Variants in FIG4 observed in about 807,000 individuals in gnomAD.
The protein encoded by FIG4 is polyphosphoinositide phosphatase.
A neutral mutation model predicts 118.6 loss-of-function variants in FIG4; 112 were observed. The observed-to-expected ratio is 0.94, with a 90% CI of 0.81 to 1.11. FIG4 has a LOEUF of 1.11. Ranked by LOEUF, FIG4 falls within the 50% of genes least tolerant of loss-of-function variation. The pLI, the probability that FIG4 is intolerant of heterozygous loss-of-function variation, is 0.00. For synonymous variants in FIG4, 369 were observed against 381.2 expected (o/e 0.97, Z 0.37); for missense variants, 969 against 1,111.7 (o/e 0.87, Z 1.83).
intron 22 of FIG4, among the ~76,000 whole-genome samples, chr6:109,804,195 AT>A (rs1173706226): frequency 1.3e-5 from 2 of 152,298 alleles, no homozygotes; most frequent in East Asian, 3.9e-4. Flanking sequence ...GGTATTACTC[AT>A]TGGTTTTCCT....
chr6:109,817,021 C>T (rs895299891), intron 22 of FIG4, among the ~76,000 whole-genome samples: 7 of 152,166 alleles, frequency 4.6e-5, no homozygotes, highest in African/African-American at 1.4e-4. Context: ...AAAAGGTCGC[C>T]GTATAAATGT....
chr6:109,700,496 G>A (rs993300170), intron 1 of FIG4, among the ~76,000 whole-genome samples: 5 of 152,148 alleles, frequency 3.3e-5, no homozygotes, highest in Non-Finnish European at 7.4e-5. Context: ...TTTTCCCCCT[G>A]TTAGAATGGC....
intron 15 of FIG4, among the ~76,000 whole-genome samples, chr6:109,770,412 A>C (rs1388510339): frequency 5.3e-5 from 8 of 152,106 alleles, no homozygotes; most frequent in Admixed American, 2.0e-4. Flanking sequence ...GCATAATTTG[A>C]ATGTAGTGAA....
rs9372228 is a variant in FIG4 at position 109,787,236 on chromosome 6, A to G, written c.2096+787A>G. Among the ~76,000 whole-genome samples, 160 of 152,294 alleles carry G rather than the reference A, an allele frequency of 1.1e-3. 3 individuals carry two copies. The East Asian group carries it at 0.028, about 26-fold the overall frequency. The stretch of plus-strand genomic sequence containing the variant: ...ACCAGAATAAGAAAATCGAGCAAAG[A>G]AAATTACTTGTTATATTTTATACTA... On this transcript the variant is annotated intron_variant, in intron 18 of 22. Coordinates refer to ENST00000230124, the MANE Select transcript of FIG4 (RefSeq NM_014845.6).
intron 10 of FIG4, among the ~76,000 whole-genome samples, chr6:109,757,641 G>T (rs1166630753): frequency 2.6e-5 from 4 of 152,090 alleles, no homozygotes; most frequent in Admixed American, 2.0e-4. Context: ...AGAAATAAGG[G>T]GTATTCAGAT....
At chr6:109,815,810 A>G (rs1326805694) in intron 22 of FIG4, among the ~76,000 whole-genome samples, 2 of 152,016 alleles carry the variant, frequency 1.3e-5, no homozygotes, top group Non-Finnish European at 2.9e-5. Flanking sequence ...AAACAAAAAA[A>G]AACAATAAAA....
chr6:109,786,556 C>T, intron 18 of FIG4, 107 bp downstream of exon 18: 1 of 1,263,954 alleles, frequency 7.9e-7, no homozygotes, highest in Non-Finnish European at 1.1e-6. Flanking sequence ...GGCCTTCTGT[C>T]AGGTGGGTAG....
In FIG4 at chr6:109,784,985, G is replaced by A. The variant is rs773462879; in HGVS notation, c.1905G>A (p.Trp635Ter). Residue 635 changes from tryptophan (W) to a stop codon, truncating the protein, a stop_gained, in exon 17 of 23, where the codon TGG becomes TGA. Transcript: ENST00000230124. LOFTEE classifies it high-confidence loss of function. ...LPTRRSYTYW[W>*]TPEVIKHLPL... ...TATTTTATAGTTATACTTACTGGTG[G>A]ACACCAGAGGTGATAAAGCATTTAC... The A allele has an allele frequency of 3.9e-6, 6 of 1,555,756 alleles. No individual in the cohort carries two copies. The Admixed American group carries it at 1.0e-4, about 27-fold the overall frequency.
At chr6:109,708,643 T>C (rs913487570) in intron 1 of FIG4, among the ~76,000 whole-genome samples, 6 of 152,380 alleles carry the variant, frequency 3.9e-5, no homozygotes, top group Non-Finnish European at 8.8e-5. Context: ...GTTTTTTGAC[T>C]TTTTAGTAAT....
At chr6:109,711,308 A>G (rs1194034375) in intron 1 of FIG4, among the ~76,000 whole-genome samples, 2 of 152,208 alleles carry the variant, frequency 1.3e-5, no homozygotes, top group African/African-American at 4.8e-5. Context: ...AGGCTGAGGC[A>G]GGAGAATGGC....
intron 10 of FIG4, among the ~76,000 whole-genome samples, chr6:109,744,490 TTGTTA>T (rs1776421745): frequency 6.6e-6 from 1 of 151,870 alleles, no homozygotes; most frequent in Non-Finnish European, 1.5e-5. Context: ...AGCAAGGGTG[TTGTTA>T]TGTTATGTGC....
intron 22 of FIG4, among the ~76,000 whole-genome samples, chr6:109,803,519 A>G (rs369416022): frequency 6.6e-6 from 1 of 152,180 alleles, no homozygotes; most frequent in African/African-American, 2.4e-5. Context: ...GAAACCTAAG[A>G]TGATATGTCT....
intron 10 of FIG4, among the ~76,000 whole-genome samples, chr6:109,747,784 A>G (rs1019489233): frequency 5.9e-5 from 9 of 152,124 alleles, no homozygotes; most frequent in Non-Finnish European, 1.2e-4. Flanking sequence ...CATACATAGT[A>G]GAATTATTAT....
chr6:109,756,773 G>A (rs543343446), intron 10 of FIG4, among the ~76,000 whole-genome samples: 1 of 152,216 alleles, frequency 6.6e-6, no homozygotes, highest in East Asian at 1.9e-4. Context: ...TCAAGACTTG[G>A]CTTTCAGCTC....
chr6:109,803,936 G>A (rs145126260), intron 22 of FIG4, among the ~76,000 whole-genome samples: 67 of 152,074 alleles, frequency 4.4e-4, no homozygotes, highest in African/African-American at 1.3e-3. Context: ...GCAAACTATC[G>A]CAAGTTAAAT....
intron 10 of FIG4, among the ~76,000 whole-genome samples, chr6:109,752,753 G>A (rs1160597200): frequency 1.3e-5 from 2 of 152,200 alleles, no homozygotes; most frequent in Admixed American, 6.5e-5. Flanking sequence ...TTAGTCAGAT[G>A]AGTAGGTTGC....
intron 14 of FIG4, 66 bp downstream of exon 14, chr6:109,765,227 AT>A: frequency 3.6e-6 from 5 of 1,374,224 alleles, no homozygotes; most frequent in Admixed American, 3.4e-5. Context: ...TACTAATAAG[AT>A]TTTTTTATGA....
chr6:109,758,787 G>T (rs149195129), intron 10 of FIG4, among the ~76,000 whole-genome samples: 1 of 152,144 alleles, frequency 6.6e-6, no homozygotes, highest in Non-Finnish European at 1.5e-5. Flanking sequence ...AAAAGTAGGC[G>T]AAGGATATGA....
intron 1 of FIG4, among the ~76,000 whole-genome samples, chr6:109,699,755 C>T (rs9487192): frequency 1.1e-4 from 17 of 152,110 alleles, no homozygotes; most frequent in Admixed American, 3.3e-4. Flanking sequence ...TTGCCTGCCT[C>T]GGCCTCCCAA....
Sources: gnomAD v4.1 joint callset for allele counts (sites outside exome capture counted in the v4.1 genomes callset) on GRCh38, gnomAD v4.1.1 for gene constraint, MANE v1.5 for transcripts, NCBI Gene and HGNC (gene_info 2026-07-23, HGNC 2026-07-21) for gene names.